Variants in COL19A1 observed in about 807,000 individuals in gnomAD.
The protein encoded by COL19A1 is collagen type XIX alpha 1 chain, also known as collagen alpha-1(XIX) chain.
A neutral mutation model predicts 190.2 loss-of-function variants in COL19A1; 159 were observed. That is an observed-to-expected ratio of 0.84 (90% CI 0.73 to 0.95). The LOEUF (loss-of-function observed/expected upper bound fraction) is 0.95, where lower values mean the gene tolerates loss of function less well. Among genes scored for constraint, COL19A1 ranks in the 40% least tolerant of loss-of-function variants. COL19A1 has a pLI of 0.00. For synonymous variants in COL19A1, 509 were observed against 458.9 expected (o/e 1.11, Z -1.39); for missense variants, 1,418 against 1,431.9 (o/e 0.99, Z 0.16).
Position 70,206,939 on chromosome 6 carries a change from A to G in COL19A1, c.3262A>G (p.Ile1088Val), listed in dbSNP as rs376093355. 2.7e-5 allele frequency: 44 copies of G among 1,613,870 alleles called. No individual in the cohort carries two copies. In the Admixed American group the frequency reaches 4.3e-4, roughly 16 times the overall value. ...GAAGGGAGAAAGAGGTGAACCTGGAATTGGGCTGCCAGGGAGTCCAGGTCT... is the reference window on the plus strand; with the variant it reads ...GAAGGGAGAAAGAGGTGAACCTGGAGTTGGGCTGCCAGGGAGTCCAGGTCT... ...GQKGERGEPG[I>V]GLPGSPGLPG... Residue 1088 changes from isoleucine to valine, a missense_variant, in exon 50 of 51, where the codon ATT (isoleucine) becomes GTT (valine). By Grantham distance (29) the Ile-to-Val change is conservative. Transcript: ENST00000620364.
intron 9 of COL19A1, among the ~76,000 whole-genome samples, chr6:69,942,673 C>T (rs988868119): frequency 2.0e-5 from 3 of 151,810 alleles, no homozygotes; most frequent in Non-Finnish European, 2.9e-5. Context: ...CATTCTGACT[C>T]GTCCATGTTG....
At chr6:69,907,735 T>A (rs1013826829) in intron 4 of COL19A1, among the ~76,000 whole-genome samples, 1 of 152,214 alleles carries the variant, frequency 6.6e-6, no homozygotes, top group African/African-American at 2.4e-5. Context: ...CCTAAAATGT[T>A]TCTGTTTTGC....
chr6:70,082,255 A>C (rs1782300934), intron 15 of COL19A1, among the ~76,000 whole-genome samples: 1 of 150,612 alleles, frequency 6.6e-6, no homozygotes, highest in Non-Finnish European at 1.5e-5. Context: ...TTCAAAATAC[A>C]GCATCACTTG....
chr6:69,966,390 A>C (rs184625422), intron 11 of COL19A1, among the ~76,000 whole-genome samples: 2,084 of 152,340 alleles, frequency 0.014, 54 homozygotes, highest in African/African-American at 0.048. Flanking sequence ...TGTAGAAAGA[A>C]GTAGACATAG....
chr6:70,049,026 A>T (rs1231972963), intron 14 of COL19A1, among the ~76,000 whole-genome samples: 1 of 151,910 alleles, frequency 6.6e-6, no homozygotes, highest in East Asian at 1.9e-4. Flanking sequence ...TATTATAAAT[A>T]TTTATATGTA....
At chr6:70,067,143 G>T (rs900023690) in intron 14 of COL19A1, among the ~76,000 whole-genome samples, 2 of 152,144 alleles carry the variant, frequency 1.3e-5, no homozygotes, top group South Asian at 2.1e-4. Flanking sequence ...CTGAAACAAG[G>T]CATTGTCTCC....
intron 27 of COL19A1, among the ~76,000 whole-genome samples, chr6:70,148,026 G>T (rs1583026043): frequency 6.6e-6 from 1 of 152,270 alleles, no homozygotes; most frequent in South Asian, 2.1e-4. Flanking sequence ...GTCCCTGAGT[G>T]TAGGAGCTTC....
At chr6:70,072,304 T>G (rs2150154391) in intron 15 of COL19A1, among the ~76,000 whole-genome samples, 1 of 152,294 alleles carries the variant, frequency 6.6e-6, no homozygotes, top group African/African-American at 2.4e-5. Context: ...ATAGTCACAT[T>G]AAATGCACAT....
At chr6:70,045,520 A>T (rs1779861749) in intron 14 of COL19A1, among the ~76,000 whole-genome samples, 1 of 152,120 alleles carries the variant, frequency 6.6e-6, no homozygotes, top group South Asian at 2.1e-4. Context: ...GAGCTTTAAT[A>T]TATTTTTAAG....
rs552479651 is a variant in COL19A1, at chr6:69,878,210, T to A, written c.-32-1326T>A. ...AATTATATATATATATATTTATTTC[T>A]TTTATTTATTTATTTATTTTTGAGA... is the stretch of plus-strand genomic sequence containing the variant. On this transcript the variant is annotated intron_variant, in intron 1 of 50. Coordinates refer to ENST00000620364, the MANE Select transcript of COL19A1 (RefSeq NM_001858.6). Among the ~76,000 whole-genome samples the A allele has an allele frequency of 2.6e-5, 4 of 151,090 alleles. No homozygotes were observed. In the South Asian group the frequency reaches 8.3e-4, roughly 31 times the overall value.
chr6:70,048,904 T>C (rs1000822582), intron 14 of COL19A1, among the ~76,000 whole-genome samples: 2 of 152,108 alleles, frequency 1.3e-5, no homozygotes, highest in Non-Finnish European at 2.9e-5. Context: ...TTCAAAGGCT[T>C]ACCCATTTTA....
intron 15 of COL19A1, among the ~76,000 whole-genome samples, chr6:70,082,340 C>G (rs1782303733): frequency 6.6e-6 from 1 of 152,096 alleles, no homozygotes; most frequent in Admixed American, 6.5e-5. Flanking sequence ...CTTCCATTTC[C>G]TTCAAAATAT....
At chr6:70,187,843 T>G (rs1766621965) in intron 46 of COL19A1, among the ~76,000 whole-genome samples, 1 of 152,120 alleles carries the variant, frequency 6.6e-6, no homozygotes, top group Non-Finnish European at 1.5e-5. Flanking sequence ...GTGCCAGGCA[T>G]TGCTCTGAGC....
At chr6:70,179,895 T>C (rs1229334549) in intron 42 of COL19A1, among the ~76,000 whole-genome samples, 1 of 152,104 alleles carries the variant, frequency 6.6e-6, no homozygotes, top group Non-Finnish European at 1.5e-5. Context: ...TATTTATTTA[T>C]TTATTGAGAT....
At chr6:70,093,055 A>G (rs965940200) in intron 15 of COL19A1, among the ~76,000 whole-genome samples, 6 of 152,130 alleles carry the variant, frequency 3.9e-5, no homozygotes, top group Non-Finnish European at 8.8e-5. Flanking sequence ...TGTTGACTCT[A>G]AACCTACAAA....
chr6:70,164,051 A>G (rs1787980720), intron 36 of COL19A1, among the ~76,000 whole-genome samples: 1 of 152,138 alleles, frequency 6.6e-6, no homozygotes, highest in African/African-American at 2.4e-5. Flanking sequence ...CAGACAGCAG[A>G]CTGGCTCTCA....
intron 2 of COL19A1, 184 bp downstream of exon 2, chr6:69,879,842 A>AT (rs1253993911): frequency 1.5e-5 from 9 of 598,454 alleles, no homozygotes; most frequent in African/African-American, 1.3e-4. Flanking sequence ...AAATTACCTC[A>AT]TTTTTTTCAT....
intron 11 of COL19A1, among the ~76,000 whole-genome samples, chr6:70,008,156 T>C (rs906268123): frequency 1.3e-5 from 2 of 151,466 alleles, no homozygotes; most frequent in African/African-American, 4.8e-5. Flanking sequence ...TAACCAAGTA[T>C]GTAGAAGGCA....
chr6:70,198,545 T>C (rs556997345), intron 48 of COL19A1, among the ~76,000 whole-genome samples: 161 of 152,312 alleles, frequency 1.1e-3, no homozygotes, highest in African/African-American at 3.8e-3. Flanking sequence ...TTTTTAAATG[T>C]GAGGTATACT....
Sources: allele counts gnomAD v4.1 joint callset (sites outside exome capture counted in the v4.1 genomes callset), GRCh38; gene constraint gnomAD v4.1.1; transcripts MANE v1.5; gene names NCBI Gene and HGNC (gene_info 2026-07-23, HGNC 2026-07-21).